The following ADGRL2 variants were observed in gnomAD, a reference collection of about 807,000 sequenced individuals.
The protein encoded by ADGRL2 is calcium-independent alpha-latrotoxin receptor 2.
Under a neutral mutation model 157.4 loss-of-function variants are expected in ADGRL2, and 44 were observed. The ratio of observed to expected loss-of-function variants is 0.28; its 90% confidence interval spans 0.22 to 0.36. ADGRL2 has a LOEUF of 0.36. Ranked by LOEUF, ADGRL2 falls within the 10% of genes least tolerant of loss-of-function variation. The pLI is 1.00. For synonymous variants in ADGRL2, 585 were observed against 624.7 expected (o/e 0.94, Z 0.95); for missense variants, 1,510 against 1,768.9 (o/e 0.85, Z 2.63).
chr1:81,818,745 A>G (rs1305980721), intron 1 of ADGRL2, among the ~76,000 whole-genome samples: 3 of 152,216 alleles, frequency 2.0e-5, no homozygotes, highest in African/African-American at 7.2e-5. Context: ...TATAAAAGTC[A>G]TACTACGATA....
chr1:81,824,948 CCTCTCTCTCTCTCTCTCT>C (rs3046312), intron 1 of ADGRL2, among the ~76,000 whole-genome samples: 1 of 127,904 alleles, frequency 7.8e-6, no homozygotes, highest in Non-Finnish European at 1.6e-5. Flanking sequence ...TTTTAATTCT[CCTCTCTCTCTCTCTCTCT>C]CTCTCTCTCT....
chr1:81,691,850 G>T (rs554610397), intron 3 of ADGRL2, among the ~76,000 whole-genome samples: 13 of 137,422 alleles, frequency 9.5e-5, no homozygotes, highest in Admixed American at 8.3e-4. Flanking sequence ...AGGCAAAATG[G>T]CATATATATA....
intron 19 of ADGRL2, among the ~76,000 whole-genome samples, chr1:81,983,237 T>G (rs1439021506): frequency 6.6e-6 from 1 of 151,998 alleles, no homozygotes; most frequent in East Asian, 1.9e-4. Flanking sequence ...AAATGCATCA[T>G]GTTATACTTC....
intron 1 of ADGRL2, among the ~76,000 whole-genome samples, chr1:81,721,471 G>A (rs1357016316): frequency 1.3e-5 from 2 of 152,076 alleles, no homozygotes; most frequent in Admixed American, 6.6e-5. Flanking sequence ...AAATCTGCAG[G>A]TAGGCCGGGC....
intron 3 of ADGRL2, among the ~76,000 whole-genome samples, chr1:81,690,551 G>T (rs143421990): frequency 1.5e-4 from 23 of 152,216 alleles, no homozygotes; most frequent in African/African-American, 5.5e-4. Context: ...TTTAATCCGG[G>T]ACTATCTTGG....
intron 1 of ADGRL2, among the ~76,000 whole-genome samples, chr1:81,411,611 G>A (rs1056702682): frequency 1.3e-5 from 2 of 152,268 alleles, no homozygotes; most frequent in Non-Finnish European, 1.5e-5. Context: ...TTTAAGAAAG[G>A]GCCAGGAGCG....
intron 1 of ADGRL2, among the ~76,000 whole-genome samples, chr1:81,804,647 T>C (rs1299050727): frequency 6.6e-6 from 1 of 152,256 alleles, no homozygotes; most frequent in Non-Finnish European, 1.5e-5. Flanking sequence ...TTATTTTCTA[T>C]TGATAAATGG....
At chr1:81,689,509 G>A (rs1459673098) in intron 3 of ADGRL2, among the ~76,000 whole-genome samples, 1 of 152,168 alleles carries the variant, frequency 6.6e-6, no homozygotes, top group Non-Finnish European at 1.5e-5. Context: ...AACATTTTGT[G>A]GGGCCTCAGA....
At chr1:81,366,191 A>C (rs1055108374) in intron 1 of ADGRL2, among the ~76,000 whole-genome samples, 2 of 152,118 alleles carry the variant, frequency 1.3e-5, no homozygotes, top group Non-Finnish European at 2.9e-5. Context: ...TACTACAGTA[A>C]TGTTTAAGAG....
intron 1 of ADGRL2, among the ~76,000 whole-genome samples, chr1:81,829,022 C>T (rs1228153350): frequency 6.6e-6 from 1 of 151,998 alleles, no homozygotes; most frequent in Non-Finnish European, 1.5e-5. Flanking sequence ...AGCAATTCTC[C>T]TGCCTCAGCC....
In ADGRL2 at chr1:81,667,342, T is replaced by C. The variant is rs545536855; in HGVS notation, c.-143+86362T>C. On this transcript the variant is annotated intron_variant, in intron 3 of 24. Coordinates refer to the ADGRL2 transcript ENST00000370721. ...GTCATTAAAAAACTGCTTATAACAC[T>C]TTTTTCCTGAAAATCTCTCCCTTTG... Among the ~76,000 whole-genome samples the C allele has an allele frequency of 3.9e-5, 6 of 152,320 alleles. No homozygotes were observed. The East Asian group carries it at 1.2e-3, about 29-fold the overall frequency.
At chr1:81,870,187 A>G (rs965304315) in intron 2 of ADGRL2, among the ~76,000 whole-genome samples, 1 of 137,380 alleles carries the variant, frequency 7.3e-6, no homozygotes, top group Non-Finnish European at 1.6e-5. Flanking sequence ...TTGATAATCT[A>G]ACTTTTGTTG....
intron 1 of ADGRL2, among the ~76,000 whole-genome samples, chr1:81,422,166 A>G (rs2077136559): frequency 7.0e-6 from 1 of 143,648 alleles, no homozygotes; most frequent in Admixed American, 7.5e-5. Flanking sequence ...AAATATCCAC[A>G]TATTTACATC....
intron 2 of ADGRL2, among the ~76,000 whole-genome samples, chr1:81,772,856 T>A (rs1367872576): frequency 2.6e-5 from 4 of 152,156 alleles, no homozygotes; most frequent in Admixed American, 6.5e-5. Flanking sequence ...ATATTTTTGT[T>A]TTCAAACTTT....
At chr1:81,528,420 G>A (rs1276853739) in intron 2 of ADGRL2, among the ~76,000 whole-genome samples, 3 of 152,056 alleles carry the variant, frequency 2.0e-5, no homozygotes, top group African/African-American at 4.8e-5. Context: ...GCCGAGGCGA[G>A]TGGATTCAGG....
intron 2 of ADGRL2, among the ~76,000 whole-genome samples, chr1:81,837,842 C>T (rs764536924): frequency 1.3e-5 from 2 of 151,812 alleles, no homozygotes; most frequent in Non-Finnish European, 2.9e-5. Flanking sequence ...TTTTTTAGAG[C>T]AGGCTAGAAG....
At chr1:81,396,259 A>G (rs965809010) in intron 1 of ADGRL2, among the ~76,000 whole-genome samples, 1 of 152,038 alleles carries the variant, frequency 6.6e-6, no homozygotes, top group African/African-American at 2.4e-5. Flanking sequence ...TTTTGTAGCT[A>G]TTGGATATGA....
chr1:81,370,685 C>T (rs933025457), intron 1 of ADGRL2, among the ~76,000 whole-genome samples: 1 of 152,068 alleles, frequency 6.6e-6, no homozygotes, highest in Non-Finnish European at 1.5e-5. Flanking sequence ...ATGCATAGGA[C>T]AGAGTACTTC....
intron 2 of ADGRL2, among the ~76,000 whole-genome samples, chr1:81,482,568 T>A (rs929165566): frequency 1.3e-5 from 2 of 152,192 alleles, no homozygotes; most frequent in East Asian, 3.8e-4. Context: ...AAATATCTTG[T>A]AAGAACTCAC....
Sources: allele counts gnomAD v4.1 joint callset (sites outside exome capture counted in the v4.1 genomes callset), GRCh38; gene constraint gnomAD v4.1.1; transcripts MANE v1.5; gene names NCBI Gene and HGNC (gene_info 2026-07-23, HGNC 2026-07-21).